Variants in GPX6 observed in about 807,000 individuals in gnomAD.
The protein encoded by GPX6 is glutathione peroxidase 6, also known as glutathione peroxidase 6 (olfactory).
A neutral mutation model predicts 20.0 loss-of-function variants in GPX6; 21 were observed. That is an observed-to-expected ratio of 1.05 (90% confidence interval 0.74 to 1.51). The LOEUF (loss-of-function observed/expected upper bound fraction) is 1.51, where lower values mean the gene tolerates loss of function less well. Among genes scored for constraint, GPX6 ranks in the 40% most tolerant of loss-of-function variants. The pLI, the probability that GPX6 is intolerant of heterozygous loss-of-function variation, is 0.00. For synonymous variants in GPX6, 75 were observed against 98.0 expected (o/e 0.77, Z 1.38); for missense variants, 233 against 254.7 (o/e 0.91, Z 0.58).
chr6:28,513,936 C>G (rs539032043), intron 1 of GPX6, among the ~76,000 whole-genome samples: 2 of 152,312 alleles, frequency 1.3e-5, no homozygotes, highest in South Asian at 4.1e-4. Context: ...GGAGGCTTGA[C>G]CAAGGGGCAA....
At position 28,505,754 on chromosome 6, in the gene GPX6, C is replaced by G. The variant is rs35394555; in HGVS notation, c.408G>C (p.Glu136Asp). The change falls in exon 4 of 5, where the codon GAG (glutamate) becomes GAC (aspartate). Residue 136 changes from glutamate (E) to aspartate (D), a missense_variant. By Grantham distance (45) the Glu-to-Asp change is conservative. Coordinates refer to ENST00000361902, the MANE Select transcript of GPX6 (RefSeq NM_182701.1). ...SGFVPSFQLF[E>D]KGDVNGEKEQ... ...CTTTTTCTCCATTCACATCCCCTTT[C>G]TCAAAGAGCTGGAAACTGGGGACAA... 8,897 of 1,614,032 alleles carry G rather than the reference C, an allele frequency of 5.5e-3. 32 individuals carry two copies. Among genetic ancestry groups the G allele is most frequent in the Non-Finnish European group, 6.5e-3 (7,677 of 1,179,872 alleles).
chr6:28,511,791 G>A (rs978642276), intron 1 of GPX6, among the ~76,000 whole-genome samples: 4 of 152,250 alleles, frequency 2.6e-5, no homozygotes, highest in African/African-American at 9.6e-5. Flanking sequence ...CCCCTTCTGG[G>A]CTGGCCAAGG....
At chr6:28,506,707 AC>A (rs10531830) in intron 2 of GPX6, among the ~76,000 whole-genome samples, 3,223 of 69,886 alleles carry the variant, frequency 0.046, 113 homozygotes, top group African/African-American at 0.13. Flanking sequence ...TTTTTTTTAA[AC>A]ACACACACAC....
At chr6:28,507,940 T>C (rs1179896001) in intron 2 of GPX6, among the ~76,000 whole-genome samples, 1 of 152,244 alleles carries the variant, frequency 6.6e-6, no homozygotes, top group Non-Finnish European at 1.5e-5. Context: ...CATAATCATT[T>C]CTGTGTGTAT....
In GPX6 at chr6:28,510,517, T is replaced by A. The variant is rs75277066; in HGVS notation, c.241+234A>T. On this transcript the variant is annotated intron_variant, in intron 2 of 4. Coordinates refer to ENST00000361902, the MANE Select transcript of GPX6 (RefSeq NM_182701.1). Reference sequence around the variant, plus strand: ...GAGTAACACATTCAACTTGTTCAACTGCAAGTGTGCTCCTGGTGGTCTTTA... The same window carrying A: ...GAGTAACACATTCAACTTGTTCAACAGCAAGTGTGCTCCTGGTGGTCTTTA... Among the ~76,000 whole-genome samples, 1,282 of 152,332 alleles carry A rather than the reference T, an allele frequency of 8.4e-3. 59 individuals carry two copies. In the East Asian group the frequency reaches 0.15, roughly 17 times the overall value.
At chr6:28,506,538 G>A in intron 2 of GPX6, 109 bp from the exon 3 acceptor site, 5 of 678,964 alleles carry the variant, frequency 7.4e-6, no homozygotes, top group East Asian at 2.6e-5. Context: ...CGAGGACTAA[G>A]AAGGGAAAGA....
chr6:28,504,123 C>CAG lies in GPX6; in HGVS notation c.*167_*168dup. On this transcript the variant is annotated 3_prime_UTR_variant, in exon 5 of 5. Transcript: ENST00000361902. ...ATACACACACACACACACACACACA[C>CAG]AGCTACACACACATGCTAAGCAGGT... The CAG allele has an allele frequency of 1.6e-6, 1 of 616,656 alleles. No individual in the cohort carries two copies. Among genetic ancestry groups the CAG allele is most frequent in the Non-Finnish European group, 2.9e-6 (1 of 346,064 alleles). 38.2% of individuals were successfully genotyped at this position (616,656 alleles called of 1,614,324 possible).
Position 28,506,478 on chromosome 6 carries a change from C to T in GPX6, c.242-49G>A, listed in dbSNP as rs773378555. On this transcript the variant is annotated intron_variant, in intron 2 of 4. Coordinates refer to ENST00000361902, the MANE Select transcript of GPX6 (RefSeq NM_182701.1). ...GGGGTGGGCTGGTCAGGAGGCCTAC[C>T]TCAAGCAGTGAAAGATCACTGAATG... is the stretch of plus-strand genomic sequence containing the variant. 13 of 1,010,654 alleles carry T rather than the reference C, an allele frequency of 1.3e-5. No homozygotes were observed. The African/African-American group carries it at 1.7e-4, about 14-fold the overall frequency. 62.6% of individuals were successfully genotyped at this position (1,010,654 alleles called of 1,614,324 possible). A position where few individuals can be genotyped will look rare whatever the true frequency, so the allele number is the denominator to read the frequency against.
intron 2 of GPX6, among the ~76,000 whole-genome samples, chr6:28,506,706 AACACACACACACACAC>A (rs56155284): frequency 9.0e-5 from 13 of 145,176 alleles, no homozygotes; most frequent in African/African-American, 3.1e-4. Context: ...TTTTTTTTTA[AACACACACACACACAC>A]ACACACACAC....
chr6:28,510,720 C>A, intron 2 of GPX6, 31 bp downstream of exon 2: 1 of 1,600,916 alleles, frequency 6.2e-7, no homozygotes. Context: ...GGCAATGCTG[C>A]TTCCAAAAGA....
chr6:28,513,616 C>T (rs1045757186), intron 1 of GPX6, among the ~76,000 whole-genome samples: 4 of 152,068 alleles, frequency 2.6e-5, no homozygotes, highest in Non-Finnish European at 5.9e-5. Context: ...TAGCACAGAG[C>T]GGAAAAACTT....
intron 2 of GPX6, among the ~76,000 whole-genome samples, chr6:28,506,693 A>AT (rs11392458): frequency 0.11 from 15,656 of 140,006 alleles, 919 homozygotes; most frequent in African/African-American, 0.14. Context: ...GAGAACTCTT[A>AT]TTTTTTTTTT....
At chr6:28,512,800 G>A (rs1028699176) in intron 1 of GPX6, among the ~76,000 whole-genome samples, 3 of 152,014 alleles carry the variant, frequency 2.0e-5, no homozygotes, top group African/African-American at 7.3e-5. Flanking sequence ...AACCCACCGG[G>A]AGGAATGAAC....
In GPX6 at chr6:28,506,399, T is replaced by C; in HGVS notation, c.272A>G (p.Asn91Ser). 1 of 1,613,604 alleles carries C rather than the reference T, an allele frequency of 6.2e-7. No individual in the cohort carries two copies. The stretch of plus-strand genomic sequence containing the variant: ...AAAGGCCAACACAATGACACCAAAA[T>C]TCTTCAGCTCCTCCTGTAGTGCATT... Reference protein sequence around the residue: ...ELNALQEELKNFGVIVLAFPC... With the variant: ...ELNALQEELKSFGVIVLAFPC... The change falls in exon 3 of 5, where the codon AAT (asparagine) becomes AGT (serine). Residue 91 changes from asparagine to serine, a missense_variant. Transcript: ENST00000361902.
chr6:28,510,369 A>G (rs1212168485), intron 2 of GPX6, among the ~76,000 whole-genome samples: 1 of 152,200 alleles, frequency 6.6e-6, no homozygotes, highest in African/African-American at 2.4e-5. Flanking sequence ...CAGAACTTCA[A>G]TTCCTTGAAC....
In GPX6 at chr6:28,515,734, G is replaced by A. The variant is rs1434023437; in HGVS notation, c.10C>T (p.Gln4Ter). 4 of 1,613,620 alleles carry A rather than the reference G, an allele frequency of 2.5e-6. No individual in the cohort carries two copies. The highest frequency in any genetic ancestry group is 3.4e-6 in the Non-Finnish European group (4 of 1,179,662). The change falls in exon 1 of 5, where the codon CAG (glutamine) becomes TAG (stop). Residue 4 changes from glutamine to a stop codon, truncating the protein, a stop_gained. Coordinates refer to ENST00000361902, the MANE Select transcript of GPX6 (RefSeq NM_182701.1). LOFTEE classifies it high-confidence loss of function. ...AGGACAAGACAGGAGGCCTGGAACT[G>A]CTGGAACATGGCTAGGAGTTTTAGA... MFQ[Q>*]FQASCLVLFF... is the part of the protein sequence containing the mutation.
At chr6:28,511,274 T>C (rs901360131) in intron 1 of GPX6, among the ~76,000 whole-genome samples, 3 of 152,256 alleles carry the variant, frequency 2.0e-5, no homozygotes, top group Non-Finnish European at 2.9e-5. Flanking sequence ...GGATTTCTCA[T>C]AAGTAAGTTT....
intron 1 of GPX6, among the ~76,000 whole-genome samples, chr6:28,512,935 C>G (rs932127175): frequency 6.6e-6 from 1 of 152,104 alleles, no homozygotes; most frequent in African/African-American, 2.4e-5. Context: ...GGAACAAACT[C>G]TGAACACATC....
rs184094364 is a variant in GPX6 at position 28,506,388 on chromosome 6, T to C, written c.283A>G (p.Ile95Val). ...LQEELKNFGVIVLAFPCNQFG... is the reference protein window; with the variant it reads ...LQEELKNFGVVVLAFPCNQFG... ...TGGTTGCAGGGAAAGGCCAACACAA[T>C]GACACCAAAATTCTTCAGCTCCTCC... Residue 95 changes from isoleucine (I) to valine (V), a missense_variant, in exon 3 of 5, where the codon ATT (isoleucine) becomes GTT (valine). By Grantham distance (29) the Ile-to-Val change is conservative. Coordinates refer to ENST00000361902, the MANE Select transcript of GPX6 (RefSeq NM_182701.1). 12 of 1,613,870 alleles carry C rather than the reference T, an allele frequency of 7.4e-6. No individual in the cohort carries two copies. The Admixed American group carries it at 1.8e-4, about 25-fold the overall frequency.
Sources: gnomAD v4.1 joint callset for allele counts (sites outside exome capture counted in the v4.1 genomes callset) on GRCh38, gnomAD v4.1.1 for gene constraint, MANE v1.5 for transcripts, NCBI Gene and HGNC (gene_info 2026-07-23, HGNC 2026-07-21) for gene names.